The following TBC1D32 variants were observed in gnomAD, a reference collection of about 807,000 sequenced individuals.
TBC1D32 encodes protein broad-minded.
In TBC1D32, 151 loss-of-function variants were observed where a neutral mutation model predicts 170.3. The observed-to-expected ratio is 0.89, with a 90% CI of 0.78 to 1.01. TBC1D32 has a LOEUF of 1.01. Among genes scored for constraint, TBC1D32 ranks in the 50% least tolerant of loss-of-function variants. The pLI, the probability that TBC1D32 is intolerant of heterozygous loss-of-function variation, is 0.00. For missense variants in TBC1D32, 1,464 were observed against 1,457.1 expected, an observed-to-expected ratio of 1.00 and a Z score of -0.08; for synonymous variants, 498 against 488.0, an observed-to-expected ratio of 1.02 and a Z score of -0.27.
At chr6:121,226,335 C>T (rs1234995650) in intron 20 of TBC1D32, among the ~76,000 whole-genome samples, 42 of 152,208 alleles carry the variant, frequency 2.8e-4, no homozygotes, top group Admixed American at 1.7e-3. Flanking sequence ...GGATGACACT[C>T]TTCAGCAATG....
chr6:121,175,084 A>G (rs940914546), intron 22 of TBC1D32, among the ~76,000 whole-genome samples: 2 of 152,154 alleles, frequency 1.3e-5, no homozygotes, highest in Non-Finnish European at 2.9e-5. Context: ...GAGTAAAAGA[A>G]GAAAGAAATC....
intron 29 of TBC1D32, among the ~76,000 whole-genome samples, chr6:121,109,074 G>T (rs1298950164): frequency 6.6e-6 from 1 of 152,254 alleles, no homozygotes; most frequent in Admixed American, 6.5e-5. Flanking sequence ...AAGGGAAGGG[G>T]TTTTACACTA....
chr6:121,139,100 C>T (rs987667083), intron 24 of TBC1D32, among the ~76,000 whole-genome samples: 1 of 152,132 alleles, frequency 6.6e-6, no homozygotes, highest in African/African-American at 2.4e-5. Flanking sequence ...CCCGCCTCGG[C>T]CTCCCAAAGT....
chr6:121,175,023 CAA>C (rs34244749), intron 22 of TBC1D32, among the ~76,000 whole-genome samples: 15,725 of 130,842 alleles, frequency 0.12, 1,052 homozygotes, highest in Admixed American at 0.24. Flanking sequence ...CAGACCTTGT[CAA>C]AAAAAAAAAA....
At chr6:121,195,600 A>G in intron 22 of TBC1D32, among the ~76,000 whole-genome samples, 1 of 152,168 alleles carries the variant, frequency 6.6e-6, no homozygotes, top group East Asian at 1.9e-4. Flanking sequence ...CTGAAGGCAC[A>G]AGAAAGTTAC....
chr6:121,268,896 A>C (rs1040893346), intron 15 of TBC1D32, among the ~76,000 whole-genome samples: 2 of 152,234 alleles, frequency 1.3e-5, no homozygotes, highest in Non-Finnish European at 2.9e-5. Context: ...GAAGCCCATC[A>C]GACTAACAGC....
intron 2 of TBC1D32, among the ~76,000 whole-genome samples, chr6:121,320,170 C>G (rs971207939): frequency 6.8e-6 from 1 of 147,836 alleles, no homozygotes; most frequent in Admixed American, 6.8e-5. Flanking sequence ...TGTAGTGTTG[C>G]TACATTAGCC....
intron 24 of TBC1D32, among the ~76,000 whole-genome samples, chr6:121,137,180 C>G (rs929395851): frequency 2.6e-5 from 4 of 151,988 alleles, no homozygotes; most frequent in African/African-American, 9.7e-5. Flanking sequence ...TTTATATTTT[C>G]TAGGTGATTA....
chr6:121,333,843 G>C (rs531736807), intron 1 of TBC1D32, among the ~76,000 whole-genome samples: 17 of 152,014 alleles, frequency 1.1e-4, no homozygotes, highest in South Asian at 4.1e-4. Flanking sequence ...GAGACGGGCG[G>C]ATCACTTGAG....
At chr6:121,281,050 A>C (rs916923851) in intron 14 of TBC1D32, among the ~76,000 whole-genome samples, 6 of 151,804 alleles carry the variant, frequency 4.0e-5, no homozygotes, top group Non-Finnish European at 7.4e-5. Flanking sequence ...TAAATTATAT[A>C]ATGTAAGGGA....
chr6:121,326,171 A>G (rs1049185659), intron 1 of TBC1D32, among the ~76,000 whole-genome samples: 2 of 152,204 alleles, frequency 1.3e-5, no homozygotes, highest in Non-Finnish European at 2.9e-5. Context: ...ACACAAGCAC[A>G]TTAACAAAAT....
rs150725247 is a variant in TBC1D32, at chr6:121,251,541, T to C, written c.2018+3787A>G. Among the ~76,000 whole-genome samples, 1,342 of 152,174 alleles carry C rather than the reference T, an allele frequency of 8.8e-3. 23 individuals are homozygous for C. Among genetic ancestry groups the C allele is most frequent in the African/African-American group, 0.031 (1,268 of 41,516 alleles). ...AACTAGATGCCTCCCTTACACCTTA[T>C]ACAAAAATTAACTCAAGATGGATTA... On this transcript the variant is annotated intron_variant, in intron 17 of 31. Coordinates refer to ENST00000398212, the MANE Select transcript of TBC1D32 (RefSeq NM_152730.6).
intron 16 of TBC1D32, 46 bp from the exon 17 acceptor site, chr6:121,255,456 C>G (rs1288828805): frequency 4.4e-6 from 2 of 455,134 alleles, no homozygotes; most frequent in Non-Finnish European, 6.6e-6. Flanking sequence ...ATAGCACTAG[C>G]CATATATTTA....
chr6:121,298,146 AT>A (rs1805934741), intron 10 of TBC1D32, among the ~76,000 whole-genome samples: 2 of 152,152 alleles, frequency 1.3e-5, no homozygotes, highest in Admixed American at 6.6e-5. Context: ...CTTTTAAAAA[AT>A]AAATATAAAA....
intron 21 of TBC1D32, among the ~76,000 whole-genome samples, chr6:121,222,031 C>T (rs1171288953): frequency 1.3e-5 from 2 of 152,102 alleles, no homozygotes; most frequent in Non-Finnish European, 2.9e-5. Context: ...CAGAAATTGC[C>T]AGAGCCACCC....
At chr6:121,160,180 G>A in intron 23 of TBC1D32, 77 bp from the exon 24 acceptor site, 2 of 994,460 alleles carry the variant, frequency 2.0e-6, no homozygotes, top group East Asian at 2.4e-5. Context: ...CTGAAATATT[G>A]TTAACTTAAA....
intron 31 of TBC1D32, among the ~76,000 whole-genome samples, chr6:121,087,395 G>A (rs1032753997): frequency 5.3e-5 from 8 of 152,152 alleles, no homozygotes; most frequent in African/African-American, 1.9e-4. Flanking sequence ...TAGGCAATAA[G>A]TCTATATCCT....
chr6:121,286,331 C>T (rs9375019), intron 12 of TBC1D32, among the ~76,000 whole-genome samples: 97,654 of 152,062 alleles, frequency 0.64, 36,808 homozygotes, highest in Non-Finnish European at 0.84. Flanking sequence ...ACGAGAACTA[C>T]GTGACGAATG....
intron 31 of TBC1D32, among the ~76,000 whole-genome samples, chr6:121,082,769 GTAT>G (rs1056615024): frequency 1.3e-5 from 2 of 151,864 alleles, no homozygotes; most frequent in Non-Finnish European, 2.9e-5. Context: ...TCCTCAGAAT[GTAT>G]TTTTTGAAAT....
Sources: gnomAD v4.1 joint callset for allele counts (sites outside exome capture counted in the v4.1 genomes callset) on GRCh38, gnomAD v4.1.1 for gene constraint, MANE v1.5 for transcripts, NCBI Gene and HGNC (gene_info 2026-07-23, HGNC 2026-07-21) for gene names.